The following MCF2L2 variants were observed in gnomAD, a reference collection of about 807,000 sequenced individuals.
MCF2L2 encodes the protein probable guanine nucleotide exchange factor MCF2L2.
A neutral mutation model predicts 150.2 loss-of-function variants in MCF2L2; 102 were observed. The observed-to-expected ratio is 0.68, with a 90% CI of 0.58 to 0.80. The LOEUF is 0.80. Ranked by LOEUF, MCF2L2 falls within the 30% of genes least tolerant of loss-of-function variation. The probability of loss-of-function intolerance (pLI) is 0.00; values close to 1 mark genes in which losing one functional copy is unlikely to be tolerated. For missense variants in MCF2L2, 1,256 were observed against 1,372.8 expected, an observed-to-expected ratio of 0.91 and a Z score of 1.34; for synonymous variants, 465 against 491.3, an observed-to-expected ratio of 0.95 and a Z score of 0.71.
chr3:183,346,349 G>A (rs932135385), intron 3 of MCF2L2, among the ~76,000 whole-genome samples: 7 of 152,084 alleles, frequency 4.6e-5, no homozygotes, highest in African/African-American at 9.7e-5. Context: ...AAAGCCCTTC[G>A]ATAAAATTCA....
chr3:183,335,276 G>A (rs73184944), intron 5 of MCF2L2, among the ~76,000 whole-genome samples: 7,152 of 151,878 alleles, frequency 0.047, 263 homozygotes, highest in Non-Finnish European at 0.081. Context: ...AATATATTGT[G>A]TATGGATCTC....
At chr3:183,316,767 G>C (rs10937122) in intron 7 of MCF2L2, among the ~76,000 whole-genome samples, 1 of 150,532 alleles carries the variant, frequency 6.6e-6, no homozygotes, top group Admixed American at 6.6e-5. Context: ...GTGCAGTGGC[G>C]AGATCTCGGC....
At chr3:183,289,627 G>A (rs945534437) in intron 13 of MCF2L2, among the ~76,000 whole-genome samples, 3 of 152,112 alleles carry the variant, frequency 2.0e-5, no homozygotes, top group Non-Finnish European at 2.9e-5. Context: ...AGGCTGAGGC[G>A]GGCAGATCAC....
At chr3:183,395,931 A>AG (rs903321289) in intron 1 of MCF2L2, among the ~76,000 whole-genome samples, 1 of 149,798 alleles carries the variant, frequency 6.7e-6, no homozygotes, top group African/African-American at 2.4e-5. Context: ...AAAAAAAAAA[A>AG]AAAAAAAGAA....
chr3:183,316,704 G>A (rs1201898181), intron 7 of MCF2L2, among the ~76,000 whole-genome samples: 1 of 146,652 alleles, frequency 6.8e-6, no homozygotes, highest in Admixed American at 6.8e-5. Flanking sequence ...CTCTTTTGTT[G>A]TTGTTGTTTT....
chr3:183,297,403 A>G, intron 11 of MCF2L2: 1 of 471,656 alleles, frequency 2.1e-6, no homozygotes, highest in Non-Finnish European at 3.8e-6. Flanking sequence ...GGTCAGCAAA[A>G]TGAGTCTCTT....
intron 1 of MCF2L2, among the ~76,000 whole-genome samples, chr3:183,424,577 G>A (rs1032024703): frequency 3.3e-5 from 5 of 152,138 alleles, no homozygotes; most frequent in African/African-American, 1.2e-4. Context: ...CGTAAGTAAT[G>A]AAGAGTCTAG....
chr3:183,281,758 C>T (rs927895879), intron 14 of MCF2L2, among the ~76,000 whole-genome samples: 2 of 152,094 alleles, frequency 1.3e-5, no homozygotes, highest in South Asian at 2.1e-4. Context: ...ACTGAAGCCC[C>T]GTTGGAGGGG....
Position 183,357,956 on chromosome 3 carries a change from T to C in MCF2L2, c.276-16326A>G, listed in dbSNP as rs944070369. 3.9e-5 allele frequency among the ~76,000 whole-genome samples: 6 copies of C among 152,100 alleles called. 1 individual carries two copies. The highest frequency in any genetic ancestry group is 1.2e-4 in the African/African-American group (5 of 41,466). On this transcript the variant is annotated intron_variant, in intron 3 of 29. Transcript: ENST00000328913. ...CAGAAATTCAAGCTGTTGGAGAAAC[T>C]GGACAGCAGCATAAGTGAGAAACAT...
At chr3:183,400,538 C>G (rs1290090618) in intron 1 of MCF2L2, 1 of 453,232 alleles carries the variant, frequency 2.2e-6, no homozygotes, top group African/African-American at 2.0e-5. Context: ...CCATTTCTCT[C>G]TAGGCACTGC....
intron 14 of MCF2L2, among the ~76,000 whole-genome samples, chr3:183,285,323 G>A (rs1426670324): frequency 6.6e-6 from 1 of 152,242 alleles, no homozygotes; most frequent in Non-Finnish European, 1.5e-5. Context: ...TAGGGCACAA[G>A]AGATTAAATA....
chr3:183,205,980 A>ATT, intron 24 of MCF2L2, 26 bp from the exon 25 acceptor site: 1 of 1,598,312 alleles, frequency 6.3e-7, no homozygotes, highest in Non-Finnish European at 8.6e-7. Context: ...AGAAAACACT[A>ATT]TAAGACTACC....
At chr3:183,322,474 A>G (rs941496308) in intron 6 of MCF2L2, among the ~76,000 whole-genome samples, 1 of 152,228 alleles carries the variant, frequency 6.6e-6, no homozygotes, top group South Asian at 2.1e-4. Context: ...TGACTACAAA[A>G]AAGTCTAAAG....
intron 12 of MCF2L2, 35 bp from the exon 13 acceptor site, chr3:183,295,512 C>A (rs747720206): frequency 2.9e-5 from 46 of 1,603,218 alleles, no homozygotes; most frequent in Non-Finnish European, 3.8e-5. Flanking sequence ...ATGAACAGGT[C>A]TCTCTGTATA....
Position 183,295,343 on chromosome 3 carries a change from T to G in MCF2L2, c.1632A>C (p.Ser544=). Residue 544 remains serine (S), a synonymous_variant, in exon 13 of 30, where the codon TCA becomes TCC. Transcript: ENST00000328913. ...TGGTTTTTGATGACACCCATTTTGG[T>G]GAAGACTCAGGATGTGGGGCCACAG... is the stretch of plus-strand genomic sequence containing the variant. ...VQPVAPHPES[S]PKWVSSKTSQ... The G allele has an allele frequency of 6.2e-7, 1 of 1,612,974 alleles. No individual in the cohort carries two copies. The highest frequency in any genetic ancestry group is 1.3e-5 in the African/African-American group (1 of 74,990).
At chr3:183,371,799 T>C (rs1712901435) in intron 3 of MCF2L2, among the ~76,000 whole-genome samples, 2 of 151,928 alleles carry the variant, frequency 1.3e-5, no homozygotes, top group Non-Finnish European at 2.9e-5. Context: ...TTTTACACAA[T>C]ACACAATTTA....
chr3:183,239,802 G>A (rs1351099398), intron 15 of MCF2L2, among the ~76,000 whole-genome samples: 1 of 152,130 alleles, frequency 6.6e-6, no homozygotes, highest in African/African-American at 2.4e-5. Flanking sequence ...GTTTCATGCT[G>A]TTGACTCTCC....
intron 14 of MCF2L2, among the ~76,000 whole-genome samples, chr3:183,278,379 AAAGT>A (rs1479499678): frequency 6.6e-6 from 1 of 151,704 alleles, no homozygotes; most frequent in Non-Finnish European, 1.5e-5. Context: ...TGTGTACATA[AAAGT>A]AAGTATCAGT....
intron 1 of MCF2L2, among the ~76,000 whole-genome samples, chr3:183,390,925 T>A (rs1486540692): frequency 6.6e-6 from 1 of 151,164 alleles, no homozygotes; most frequent in African/African-American, 2.5e-5. Context: ...ACAAAAACAA[T>A]AACAAAAAAT....
Sources: gnomAD v4.1 joint callset for allele counts (sites outside exome capture counted in the v4.1 genomes callset) on GRCh38, gnomAD v4.1.1 for gene constraint, MANE v1.5 for transcripts, NCBI Gene and HGNC (gene_info 2026-07-23, HGNC 2026-07-21) for gene names.